FGF14: variants seen among roughly 807,000 people sequenced by gnomAD.
FGF14 encodes fibroblast growth factor homologous factor 4.
In FGF14, 5 loss-of-function variants were observed where a neutral mutation model predicts 25.5. The ratio of observed to expected loss-of-function variants is 0.20; its 90% confidence interval spans 0.10 to 0.41. The LOEUF is 0.41. Among genes scored for constraint, FGF14 ranks in the 10% least tolerant of loss-of-function variants. FGF14 has a pLI of 1.00. For synonymous variants in FGF14, 138 were observed against 118.3 expected (o/e 1.17, Z -1.08); for missense variants, 222 against 320.1 (o/e 0.69, Z 2.34).
At chr13:102,086,394 G>T (rs572060161) in intron 1 of FGF14, among the ~76,000 whole-genome samples, 1 of 152,136 alleles carries the variant, frequency 6.6e-6, no homozygotes, top group East Asian at 1.9e-4. Flanking sequence ...GCCGGGCGTG[G>T]TGGCGGGCGC....
At chr13:102,320,353 C>G (rs1344892541) in intron 1 of FGF14, among the ~76,000 whole-genome samples, 2 of 152,088 alleles carry the variant, frequency 1.3e-5, no homozygotes, top group African/African-American at 4.8e-5. Context: ...TTGTGTTCAT[C>G]CAGGTGGAGA....
At chr13:102,132,434 C>T (rs1297956267) in intron 1 of FGF14, among the ~76,000 whole-genome samples, 1 of 152,020 alleles carries the variant, frequency 6.6e-6, no homozygotes, top group Non-Finnish European at 1.5e-5. Context: ...TGTGGACATA[C>T]AGAATCTAGC....
chr13:101,850,460 CAA>C (rs1491527372), intron 3 of FGF14, among the ~76,000 whole-genome samples: 6 of 21,848 alleles, frequency 2.7e-4, no homozygotes, highest in East Asian at 1.5e-3. Flanking sequence ...TCTCTAAAGG[CAA>C]TATATATATA....
chr13:102,263,826 C>G (rs2052843418), intron 1 of FGF14, among the ~76,000 whole-genome samples: 2 of 152,214 alleles, frequency 1.3e-5, no homozygotes, highest in Admixed American at 1.3e-4. Context: ...TGGTATATGG[C>G]TCTGTTTAAC....
intron 1 of FGF14, among the ~76,000 whole-genome samples, chr13:102,049,200 T>C (rs1038860573): frequency 6.6e-6 from 1 of 152,190 alleles, no homozygotes; most frequent in African/African-American, 2.4e-5. Context: ...ATAGGCTATA[T>C]ATAATTTTTA....
At chr13:102,100,463 G>A (rs2044606697) in intron 1 of FGF14, among the ~76,000 whole-genome samples, 1 of 150,086 alleles carries the variant, frequency 6.7e-6, no homozygotes, top group African/African-American at 2.5e-5. Flanking sequence ...AACAGAAGGA[G>A]GTGCTTCCGG....
chr13:102,066,949 G>T lies in FGF14; in HGVS notation c.209-191653C>A, dbSNP rs1191244752. Among the ~76,000 whole-genome samples the T allele has an allele frequency of 2.0e-5, 3 of 152,256 alleles. No individual in the cohort carries two copies. In the East Asian group the frequency reaches 5.8e-4, roughly 29 times the overall value. ...GCTGCACAGTTCTCCGTGGCTTACA[G>T]AAAGTAAAAAATTGTATTTAAAGCT... On this transcript the variant is annotated intron_variant, in intron 1 of 4. Coordinates refer to the FGF14 transcript ENST00000376131.
chr13:101,896,986 AG>A (rs755103145), intron 1 of FGF14, among the ~76,000 whole-genome samples: 8 of 152,240 alleles, frequency 5.3e-5, no homozygotes, highest in African/African-American at 9.6e-5. Context: ...AGGATAAGAA[AG>A]ATGGAAGTAA....
At chr13:102,096,032 T>A (rs1247402039) in intron 1 of FGF14, among the ~76,000 whole-genome samples, 1 of 150,074 alleles carries the variant, frequency 6.7e-6, no homozygotes, top group African/African-American at 2.4e-5. Flanking sequence ...ATTTCTTTAT[T>A]TGACATAAAG....
chr13:101,977,559 T>C (rs2038001962), intron 1 of FGF14, among the ~76,000 whole-genome samples: 3 of 152,124 alleles, frequency 2.0e-5, no homozygotes, highest in Non-Finnish European at 1.5e-5. Flanking sequence ...TACTCCTCCT[T>C]CTTCCTTCTT....
chr13:102,236,883 C>A (rs1363720496), intron 1 of FGF14, among the ~76,000 whole-genome samples: 2 of 152,112 alleles, frequency 1.3e-5, no homozygotes, highest in Non-Finnish European at 2.9e-5. Context: ...CCCAGAGAAG[C>A]CAGGCTGGAG....
chr13:102,313,450 G>C (rs985183416), intron 1 of FGF14, among the ~76,000 whole-genome samples: 2 of 152,088 alleles, frequency 1.3e-5, no homozygotes, highest in African/African-American at 4.8e-5. Context: ...CTCAGGGAAA[G>C]GCATAAAAGA....
intron 1 of FGF14, among the ~76,000 whole-genome samples, chr13:102,054,133 A>T (rs1595121394): frequency 6.6e-6 from 1 of 152,212 alleles, no homozygotes; most frequent in South Asian, 2.1e-4. Context: ...TGAGGCACAG[A>T]AAACCAATCT....
At chr13:102,156,203 C>CA (rs1475546901) in intron 1 of FGF14, among the ~76,000 whole-genome samples, 113 of 151,690 alleles carry the variant, frequency 7.4e-4, no homozygotes, top group African/African-American at 2.4e-3. Context: ...AGAGACACAA[C>CA]AAAAAAAAGA....
chr13:101,910,823 T>TA (rs1406038629), intron 1 of FGF14, among the ~76,000 whole-genome samples: 1 of 147,498 alleles, frequency 6.8e-6, no homozygotes, highest in African/African-American at 2.5e-5. Context: ...AATGGTCTCT[T>TA]AGAGATTTGG....
chr13:101,740,665 C>CAA (rs201293479), intron 3 of FGF14, among the ~76,000 whole-genome samples: 2 of 149,576 alleles, frequency 1.3e-5, no homozygotes, highest in Non-Finnish European at 3.0e-5. Flanking sequence ...TATTCTTGGG[C>CAA]AAAAAAAAAG....
chr13:102,337,299 A>T (rs1376528914), intron 1 of FGF14, among the ~76,000 whole-genome samples: 2 of 152,178 alleles, frequency 1.3e-5, no homozygotes, highest in African/African-American at 4.8e-5. Flanking sequence ...GATGACTTTG[A>T]GGGGTTCAGA....
intron 1 of FGF14, among the ~76,000 whole-genome samples, chr13:102,029,472 A>C (rs1244618264): frequency 6.6e-6 from 1 of 152,060 alleles, no homozygotes; most frequent in Non-Finnish European, 1.5e-5. Flanking sequence ...TTGAAAAATG[A>C]AACAACTTGA....
At chr13:102,220,819 C>G (rs1273296423) in intron 1 of FGF14, among the ~76,000 whole-genome samples, 2 of 152,210 alleles carry the variant, frequency 1.3e-5, no homozygotes, top group African/African-American at 4.8e-5. Context: ...TTAACATCAG[C>G]CCGGCTGGCT....
Sources: gnomAD v4.1 joint callset for allele counts (sites outside exome capture counted in the v4.1 genomes callset) on GRCh38, gnomAD v4.1.1 for gene constraint, MANE v1.5 for transcripts, NCBI Gene and HGNC (gene_info 2026-07-23, HGNC 2026-07-21) for gene names.